Variants in GLB1 observed in about 807,000 individuals in gnomAD.
The protein encoded by GLB1 is beta-galactosidase.
Under a neutral mutation model 74.0 loss-of-function variants are expected in GLB1, and 56 were observed. The observed-to-expected ratio is 0.76, with a 90% CI of 0.61 to 0.94. The LOEUF (loss-of-function observed/expected upper bound fraction) is 0.94. Ranked by LOEUF, GLB1 falls within the 40% of genes least tolerant of loss-of-function variation. The pLI, the probability that GLB1 is intolerant of heterozygous loss-of-function variation, is 0.00. For synonymous variants in GLB1, 323 were observed against 323.6 expected, an observed-to-expected ratio of 1.00 and a Z score of 0.02; for missense variants, 787 against 845.5, an observed-to-expected ratio of 0.93 and a Z score of 0.86.
At position 32,997,270 on chromosome 3, in the gene GLB1, C is replaced by T; in HGVS notation, c.1809G>A (p.Val603=). 2 of 1,614,182 alleles carry T rather than the reference C, an allele frequency of 1.2e-6. No homozygotes were observed. Among genetic ancestry groups the T allele is most frequent in the Non-Finnish European group, 1.7e-6 (2 of 1,180,036 alleles). Residue 603 remains valine, a synonymous_variant, in exon 16 of 16, where the codon GTG becomes GTA. Coordinates refer to ENST00000307363, the MANE Select transcript of GLB1 (RefSeq NM_000404.4). ...PARGPQLTLF[V]PQHILMTSAP... is the part of the protein sequence containing the mutation. ...CCGAGGTCATCAGGATGTGCTGGGG[C>T]ACAAACAAGGTCAACTGAGGGCCCC...
intron 10 of GLB1, among the ~76,000 whole-genome samples, chr3:33,028,495 G>A (rs947249723): frequency 6.6e-5 from 10 of 151,506 alleles, no homozygotes; most frequent in African/African-American, 2.4e-4. Context: ...TTTTGAGATG[G>A]AGTCTCAAAC....
At chr3:33,089,599 A>G (rs936562561) in intron 1 of GLB1, among the ~76,000 whole-genome samples, 1 of 152,208 alleles carries the variant, frequency 6.6e-6, no homozygotes, top group Non-Finnish European at 1.5e-5. Context: ...ACAGAAATCC[A>G]GTCACGTGCC....
chr3:32,980,225 A>T, the GLB1 span, among the ~76,000 whole-genome samples: 4 of 152,002 alleles, frequency 2.6e-5, no homozygotes, highest in Admixed American at 6.6e-5. Flanking sequence ...CCTTACTTAA[A>T]TTTTTTTTAA....
the GLB1 span, among the ~76,000 whole-genome samples, chr3:32,988,943 G>A: frequency 8.5e-6 from 1 of 117,420 alleles, no homozygotes; most frequent in Non-Finnish European, 1.6e-5. Flanking sequence ...TTGGTTCCAG[G>A]TAATCACAAT....
chr3:33,054,041 A>G (rs1466487944), intron 6 of GLB1, among the ~76,000 whole-genome samples: 2 of 151,836 alleles, frequency 1.3e-5, no homozygotes, highest in Non-Finnish European at 2.9e-5. Flanking sequence ...AAAAAAAATA[A>G]TAATAATAAA....
At chr3:33,096,463 C>A in intron 1 of GLB1, 1 of 985,050 alleles carries the variant, frequency 1.0e-6, no homozygotes, top group South Asian at 4.7e-5. Context: ...AAGAAAAACC[C>A]AAGCCAAAGG....
At chr3:33,044,913 G>A (rs1166014374) in intron 10 of GLB1, among the ~76,000 whole-genome samples, 1 of 152,176 alleles carries the variant, frequency 6.6e-6, no homozygotes, top group Non-Finnish European at 1.5e-5. Context: ...TACAACGCTA[G>A]CAGGACTAAG....
chr3:32,964,610 C>G, the GLB1 span, among the ~76,000 whole-genome samples: 5 of 152,164 alleles, frequency 3.3e-5, no homozygotes, highest in Non-Finnish European at 5.9e-5. Flanking sequence ...TGTCTAGGTA[C>G]AAATGCCACT....
chr3:33,036,538 AAGC>A (rs1698284437), intron 10 of GLB1, among the ~76,000 whole-genome samples: 1 of 152,174 alleles, frequency 6.6e-6, no homozygotes. Flanking sequence ...GAGGAATGAC[AAGC>A]AGAGACTTAT....
At chr3:33,062,399 C>T (rs1177392150) in intron 5 of GLB1, among the ~76,000 whole-genome samples, 2 of 152,162 alleles carry the variant, frequency 1.3e-5, no homozygotes, top group Non-Finnish European at 2.9e-5. Flanking sequence ...AACTCCTGGG[C>T]TCAAGAGATC....
At chr3:33,037,495 T>C (rs1302993230) in intron 10 of GLB1, among the ~76,000 whole-genome samples, 1 of 152,128 alleles carries the variant, frequency 6.6e-6, no homozygotes, top group Admixed American at 6.5e-5. Flanking sequence ...AAGAAACAAG[T>C]CCACAGGCAT....
rs765751926 is a variant in GLB1 at position 33,093,616 on chromosome 3, CCA to C, written c.75+3393_75+3394del. The C allele has an allele frequency of 1.2e-6, 2 of 1,614,046 alleles. No homozygotes were observed. Among genetic ancestry groups the C allele is most frequent in the African/African-American group, 1.3e-5 (1 of 74,920 alleles). On this transcript the variant is annotated intron_variant, in intron 1 of 15. Transcript: ENST00000307363. The surrounding 1 kb of genome is among the most constrained non-coding windows in gnomAD (Gnocchi z 6.0). ...GCAGGCAGCTGATGGATGGGCACCT[CCA>C]CAGTTTTCACAGCCGGGGGCTGCGC...
chr3:32,979,225 TCCGGTCTC>T, the GLB1 span, among the ~76,000 whole-genome samples: 22 of 151,836 alleles, frequency 1.4e-4, 1 homozygote, highest in Admixed American at 1.4e-3. Flanking sequence ...ATCCACCTGC[TCCGGTCTC>T]CCAAAGTGCT....
At chr3:33,058,324 A>G in intron 5 of GLB1, 55 bp from the exon 6 acceptor site, 1 of 1,608,678 alleles carries the variant, frequency 6.2e-7, no homozygotes, top group Non-Finnish European at 8.5e-7. Context: ...TAGCCACCCT[A>G]ATGCAAGCTT....
the GLB1 span, among the ~76,000 whole-genome samples, chr3:32,968,504 G>A: frequency 2.6e-5 from 4 of 152,168 alleles, no homozygotes. Flanking sequence ...TATAAGCCAA[G>A]AGAAAAGATG....
At chr3:33,015,257 T>C (rs1697194176) in intron 14 of GLB1, among the ~76,000 whole-genome samples, 1 of 152,002 alleles carries the variant, frequency 6.6e-6, no homozygotes, top group African/African-American at 2.4e-5. Flanking sequence ...CAGGAGCAAA[T>C]ATTGGCCTTG....
the GLB1 span, among the ~76,000 whole-genome samples, chr3:32,964,893 G>C: frequency 6.6e-6 from 1 of 152,160 alleles, no homozygotes; most frequent in Non-Finnish European, 1.5e-5. Context: ...TTCCCATGCT[G>C]TTCTTGTGAT....
At chr3:32,979,006 C>T in the GLB1 span, among the ~76,000 whole-genome samples, 3 of 138,592 alleles carry the variant, frequency 2.2e-5, no homozygotes, top group Non-Finnish European at 4.6e-5. Flanking sequence ...GATGGAGTTT[C>T]GCTCTTGAAG....
At chr3:32,992,634 A>T (rs1420529007), downstream of GLB1, among the ~76,000 whole-genome samples, 2 of 152,058 alleles carry the variant, frequency 1.3e-5, no homozygotes, top group East Asian at 3.9e-4. Context: ...GTGATGGAGC[A>T]GGAACGTGAC....
Sources: allele counts gnomAD v4.1 joint callset (sites outside exome capture counted in the v4.1 genomes callset), GRCh38; gene constraint gnomAD v4.1.1; non-coding constraint Gnocchi (gnomAD v3.1); transcripts MANE v1.5; gene names NCBI Gene and HGNC (gene_info 2026-07-23, HGNC 2026-07-21).